The following HMGXB3 variants were observed in gnomAD, a reference collection of about 807,000 sequenced individuals.
HMGXB3 encodes the protein HMG-box containing 3.
Under a neutral mutation model 121.5 loss-of-function variants are expected in HMGXB3, and 45 were observed. The observed-to-expected ratio is 0.37, with a 90% CI of 0.29 to 0.47. The LOEUF (loss-of-function observed/expected upper bound fraction) is 0.47, where lower values mean the gene tolerates loss of function less well. Ranked by LOEUF, HMGXB3 falls within the 20% of genes least tolerant of loss-of-function variation. The pLI is 0.99. For synonymous variants in HMGXB3, 590 were observed against 624.1 expected, an observed-to-expected ratio of 0.95 and a Z score of 0.81; for missense variants, 1,376 against 1,602.2, an observed-to-expected ratio of 0.86 and a Z score of 2.41.
intron 6 of HMGXB3, among the ~76,000 whole-genome samples, chr5:150,020,634 A>G (rs1338754047): frequency 6.6e-6 from 1 of 151,472 alleles, no homozygotes; most frequent in East Asian, 1.9e-4. Flanking sequence ...TATGTTGCCT[A>G]GGCCCATTTC....
At chr5:150,041,574 G>A (rs1159918629) in intron 14 of HMGXB3, among the ~76,000 whole-genome samples, 1 of 152,240 alleles carries the variant, frequency 6.6e-6, no homozygotes, top group African/African-American at 2.4e-5. Flanking sequence ...TTAGTACAAG[G>A]CAGCTATCAC....
In HMGXB3 at chr5:150,026,786, C is replaced by A; in HGVS notation, c.1541C>A (p.Ala514Glu). ...ARGKPSLLAA[A>E]RPMRAILPAP... ...GGCAAGCCCTCATTACTGGCTGCAGCAAGACCCATGAGAGCAATTTTGCCA... is the reference window on the plus strand; with the variant it reads ...GGCAAGCCCTCATTACTGGCTGCAGAAAGACCCATGAGAGCAATTTTGCCA... The change falls in exon 8 of 20, where the codon GCA becomes GAA. Residue 514 changes from alanine (A) to glutamate (E), a missense_variant. This residue lies in a region of HMGXB3 where 1,116 missense variants were observed against 1,369.0 expected (regional missense o/e 0.82). Transcript: ENST00000502717. The A allele has an allele frequency of 6.5e-7, 1 of 1,550,008 alleles. No individual in the cohort carries two copies. Among genetic ancestry groups the A allele is most frequent in the Admixed American group, 2.0e-5 (1 of 50,594 alleles).
intron 6 of HMGXB3, among the ~76,000 whole-genome samples, chr5:150,023,323 T>A (rs1246766109): frequency 6.6e-6 from 1 of 152,168 alleles, no homozygotes. Context: ...TGGCTCCTGT[T>A]GACAAATACT....
intron 15 of HMGXB3, 70 bp from the exon 16 acceptor site, chr5:150,045,396 G>A (rs546755834): frequency 5.5e-6 from 7 of 1,266,266 alleles, no homozygotes; most frequent in African/African-American, 3.0e-5. Context: ...GTATAATGAC[G>A]GGGTAGGCTG....
At chr5:150,004,161 A>G (rs1383549461) in intron 1 of HMGXB3, among the ~76,000 whole-genome samples, 1 of 152,044 alleles carries the variant, frequency 6.6e-6, no homozygotes, top group Non-Finnish European at 1.5e-5. Context: ...GGCGTGAGTC[A>G]CTGCGCCCAT....
chr5:150,043,320 G>A (rs1215104378), intron 15 of HMGXB3, among the ~76,000 whole-genome samples: 1 of 152,162 alleles, frequency 6.6e-6, no homozygotes, highest in Non-Finnish European at 1.5e-5. Flanking sequence ...TCACAGGCAG[G>A]GACTGCGCCT....
In HMGXB3 at chr5:150,019,489, C is replaced by T. The variant is rs540788205; in HGVS notation, c.1041+792C>T. Among the ~76,000 whole-genome samples, 439 of 152,274 alleles carry T rather than the reference C, an allele frequency of 2.9e-3. 1 individual carries two copies. Among genetic ancestry groups the T allele is most frequent in the Non-Finnish European group, 4.2e-3 (283 of 68,006 alleles). ...TTTAACATGTTGTCACCTGTGTATG[C>T]TTGGTGCGAACTAGATAAAACATAT... On this transcript the variant is annotated intron_variant, in intron 6 of 19. Transcript: ENST00000502717.
At chr5:150,044,707 G>A (rs1408250991) in intron 15 of HMGXB3, among the ~76,000 whole-genome samples, 1 of 152,180 alleles carries the variant, frequency 6.6e-6, no homozygotes, top group Non-Finnish European at 1.5e-5. Context: ...TGCAAAATTA[G>A]GAGTTTAGTT....
intron 6 of HMGXB3, chr5:150,021,632 T>C: frequency 1.9e-6 from 1 of 520,120 alleles, no homozygotes; most frequent in South Asian, 1.5e-5. Flanking sequence ...GTAATTTGCT[T>C]AACAATCTCA....
chr5:150,049,415 C>CG (rs1250800246), intron 18 of HMGXB3, among the ~76,000 whole-genome samples: 1 of 151,694 alleles, frequency 6.6e-6, no homozygotes, highest in Non-Finnish European at 1.5e-5. Context: ...CGGAAACCCC[C>CG]CCCCTTAACA....
intron 9 of HMGXB3, among the ~76,000 whole-genome samples, chr5:150,028,458 A>G (rs1335331678): frequency 7.1e-6 from 1 of 141,168 alleles, no homozygotes; most frequent in Non-Finnish European, 1.5e-5. Context: ...GTATATATAT[A>G]TGTATATATA....
chr5:150,047,242 G>A (rs1756777981), intron 16 of HMGXB3, among the ~76,000 whole-genome samples: 1 of 152,104 alleles, frequency 6.6e-6, no homozygotes, highest in African/African-American at 2.4e-5. Flanking sequence ...TCTTGTGCTA[G>A]CCAGGTTCAG....
In HMGXB3 at chr5:150,018,678, G is replaced by A; in HGVS notation, c.1022G>A (p.Gly341Glu). ...PKCPTCGNFL[G>E]GKWIPKEKPA... ...TGCCCTACCTGTGGTAACTTCCTAG[G>A]AGGGAAGTGGATCCCAAAGGTAAGG... Residue 341 changes from glycine to glutamate, a missense_variant, in exon 6 of 20, where the codon GGA becomes GAA. Physicochemically the swap from Gly to Glu is moderately conservative, Grantham distance 98. Coordinates refer to ENST00000502717, the MANE Select transcript of HMGXB3 (RefSeq NM_014983.3). 6.5e-7 allele frequency: 1 copy of A among 1,550,358 alleles called. No homozygotes were observed. The highest frequency in any genetic ancestry group is 8.7e-7 in the Non-Finnish European group (1 of 1,146,362).
Position 150,048,587 on chromosome 5 carries a change from T to C in HMGXB3, c.3103T>C (p.Leu1035=). The C allele has an allele frequency of 1.3e-6, 2 of 1,551,932 alleles. No homozygotes were observed. Residue 1035 remains leucine, a synonymous_variant, in exon 18 of 20, where the codon TTG becomes CTG. Transcript: ENST00000502717. ...ACTCCAGGACCAGCTCTGCTTCTCC[T>C]TGTTGGCCCTCTACGAATCTGTACA... The part of the protein sequence containing the change: ...EDSKDQLCFS[L]LALYESVQNG...
rs1409955162 is a variant in HMGXB3, at chr5:150,047,772, C to A, written c.3084+15C>A. ...AAGACTCCAAGGTGAGTGTCAAGGG[C>A]AGTGGTGGATATCGGGGCTTCTGGA... On this transcript the variant is annotated intron_variant, in intron 17 of 19. Transcript: ENST00000502717. 1.3e-6 allele frequency: 2 copies of A among 1,551,618 alleles called. No homozygotes were observed. Among genetic ancestry groups the A allele is most frequent in the Admixed American group, 3.9e-5 (2 of 51,004 alleles).
In HMGXB3 at chr5:150,048,589, G is replaced by C; in HGVS notation, c.3105G>C (p.Leu1035Phe). ...EDSKDQLCFS[L>F]LALYESVQNG... ...TCCAGGACCAGCTCTGCTTCTCCTT[G>C]TTGGCCCTCTACGAATCTGTACAGA... The change falls in exon 18 of 20, where the codon TTG (leucine) becomes TTC (phenylalanine). Residue 1035 changes from leucine to phenylalanine, a missense_variant. Coordinates refer to ENST00000502717, the MANE Select transcript of HMGXB3 (RefSeq NM_014983.3). 6.4e-7 allele frequency: 1 copy of C among 1,551,920 alleles called. No homozygotes were observed. The highest frequency in any genetic ancestry group is 1.2e-5 in the South Asian group (1 of 84,034).
chr5:150,021,749 T>C (rs990707497), intron 6 of HMGXB3: 2 of 510,884 alleles, frequency 3.9e-6, no homozygotes, highest in Non-Finnish European at 7.8e-6. Context: ...CTCAAAGTCT[T>C]GGTAGGCATT....
intron 14 of HMGXB3, 84 bp downstream of exon 14, chr5:150,040,963 A>C: frequency 2.3e-5 from 29 of 1,245,662 alleles, no homozygotes; most frequent in Non-Finnish European, 2.9e-5. Flanking sequence ...TAAAAGACTC[A>C]TTTTGAAGAA....
intron 7 of HMGXB3, 41 bp downstream of exon 7, chr5:150,024,721 C>T (rs1033116351): frequency 3.1e-5 from 45 of 1,431,652 alleles, no homozygotes; most frequent in East Asian, 3.0e-4. Context: ...TTTGGAAATG[C>T]CCCATGTTTC....
Sources: allele counts gnomAD v4.1 joint callset (sites outside exome capture counted in the v4.1 genomes callset), GRCh38; gene constraint gnomAD v4.1.1; regional missense constraint gnomAD v4.1.1; transcripts MANE v1.5; gene names NCBI Gene and HGNC (gene_info 2026-07-23, HGNC 2026-07-21).